Variants in GPM6A observed in about 807,000 individuals in gnomAD.
GPM6A encodes the protein glycoprotein M6A.
In GPM6A, 7 loss-of-function variants were observed where a neutral mutation model predicts 32.1. That is an observed-to-expected ratio of 0.22 (90% confidence interval 0.12 to 0.41). The LOEUF is 0.41. Among genes scored for constraint, GPM6A ranks in the 10% least tolerant of loss-of-function variants. The probability of loss-of-function intolerance (pLI) is 1.00; values close to 1 mark genes in which losing one functional copy is unlikely to be tolerated. For missense variants in GPM6A, 235 were observed against 347.2 expected, an observed-to-expected ratio of 0.68 and a Z score of 2.57; for synonymous variants, 130 against 123.4, an observed-to-expected ratio of 1.05 and a Z score of -0.35.
At chr4:175,807,223 A>C (rs992632629) in intron 1 of GPM6A, 1 of 152,214 alleles carries the variant, frequency 6.6e-6, no homozygotes, top group Non-Finnish European at 1.5e-5. Context: ...ATTTATTTAA[A>C]TTGTAAAAAA....
In GPM6A at chr4:175,673,556, C is replaced by T. The variant is rs1011072389; in HGVS notation, c.387+124G>A. On this transcript the variant is annotated intron_variant, in intron 3 of 6. Transcript: ENST00000393658. Reference sequence around the variant, plus strand: ...ATAATGTTATCAAGATTTAAGATAGCATCACAGAAGGAAACGTTACTGTGT... The same window carrying T: ...ATAATGTTATCAAGATTTAAGATAGTATCACAGAAGGAAACGTTACTGTGT... The T allele has an allele frequency of 5.2e-6, 3 of 575,738 alleles. No homozygotes were observed. The African/African-American group carries it at 5.6e-5, about 11-fold the overall frequency. 35.7% of individuals were successfully genotyped at this position (575,738 alleles called of 1,614,324 possible).
intron 1 of GPM6A, among the ~76,000 whole-genome samples, chr4:175,890,681 G>A (rs1473288921): frequency 1.3e-5 from 2 of 151,862 alleles, no homozygotes; most frequent in East Asian, 1.9e-4. Context: ...ATCCTCCCAA[G>A]TAGCTAGGAC....
chr4:175,658,566 T>C (rs1324509242), intron 3 of GPM6A, among the ~76,000 whole-genome samples: 2 of 152,152 alleles, frequency 1.3e-5, no homozygotes, highest in Non-Finnish European at 2.9e-5. Context: ...CTCATCTAAA[T>C]TGTAGACTTT....
At chr4:175,636,515 G>A (rs1316098427) in intron 6 of GPM6A, among the ~76,000 whole-genome samples, 2 of 150,700 alleles carry the variant, frequency 1.3e-5, no homozygotes, top group Non-Finnish European at 3.0e-5. Context: ...TATAATTGAG[G>A]CCAGGTGCGG....
intron 1 of GPM6A, among the ~76,000 whole-genome samples, chr4:175,719,437 T>C (rs955069865): frequency 6.6e-6 from 1 of 152,144 alleles, no homozygotes; most frequent in Non-Finnish European, 1.5e-5. Context: ...TGACCTCATA[T>C]AACACAAAAT....
Position 175,714,220 on chromosome 4 carries a change from A to G in GPM6A, c.38-12453T>C, listed in dbSNP as rs1560891781. Among the ~76,000 whole-genome samples, 6 of 152,308 alleles carry G rather than the reference A, an allele frequency of 3.9e-5. No individual in the cohort carries two copies. In the South Asian group the frequency reaches 1.0e-3, roughly 26 times the overall value. On this transcript the variant is annotated intron_variant, in intron 1 of 6. Transcript: ENST00000393658. ...TAGATGCCCTGAATCCTTTAAAAGT[A>G]TTTGATAAACCAGGATATGCATGTT...
chr4:175,842,677 G>A (rs1433854544), intron 1 of GPM6A, among the ~76,000 whole-genome samples: 1 of 152,152 alleles, frequency 6.6e-6, no homozygotes, highest in African/African-American at 2.4e-5. Context: ...TCCAGCGTGA[G>A]TGATTGAGTG....
chr4:175,834,128 G>T (rs1735694278), intron 1 of GPM6A, among the ~76,000 whole-genome samples: 1 of 146,344 alleles, frequency 6.8e-6, no homozygotes, highest in Admixed American at 7.1e-5. Context: ...AACCGAGAGA[G>T]ATGTGTTACG....
chr4:175,757,245 G>A (rs985986758), intron 1 of GPM6A, among the ~76,000 whole-genome samples: 1 of 152,048 alleles, frequency 6.6e-6, no homozygotes, highest in Non-Finnish European at 1.5e-5. Flanking sequence ...CACACATGGA[G>A]AGAAACTGAG....
rs925834411 is a variant in GPM6A at position 175,889,440 on chromosome 4, A to T, written c.-22-77191T>A. On this transcript the variant is annotated intron_variant, in intron 1 of 7. Transcript: ENST00000280187. The stretch of plus-strand genomic sequence containing the variant: ...CTCTGGAGGCTACGGCAGGAGGATG[A>T]CTTGAGTTCAGTAGGTCACAACTGC... Among the ~76,000 whole-genome samples, 5 of 151,776 alleles carry T rather than the reference A, an allele frequency of 3.3e-5. No individual in the cohort carries two copies. The East Asian group carries it at 7.7e-4, about 23-fold the overall frequency.
intron 1 of GPM6A, among the ~76,000 whole-genome samples, chr4:175,771,344 C>T (rs1159171597): frequency 1.3e-5 from 2 of 151,920 alleles, no homozygotes; most frequent in Non-Finnish European, 2.9e-5. Flanking sequence ...GAGGCCGAGA[C>T]AGGGGGATCA....
chr4:175,962,545 C>T, intron 1 of GPM6A: 1 of 459,986 alleles, frequency 2.2e-6, no homozygotes, highest in South Asian at 1.8e-5. Flanking sequence ...CATCCCTGTA[C>T]TCTCTGCTCT....
At chr4:175,694,496 C>A (rs896325408) in intron 2 of GPM6A, among the ~76,000 whole-genome samples, 2 of 152,084 alleles carry the variant, frequency 1.3e-5, no homozygotes, top group Non-Finnish European at 2.9e-5. Context: ...AGAGGTTGGC[C>A]ACATTATGTC....
chr4:175,851,785 G>T (rs1736267399), intron 1 of GPM6A, among the ~76,000 whole-genome samples: 2 of 152,076 alleles, frequency 1.3e-5, no homozygotes, highest in Admixed American at 1.3e-4. Context: ...TGTTTTGTTT[G>T]GTTTGCAGTT....
intron 1 of GPM6A, among the ~76,000 whole-genome samples, chr4:175,976,157 CTT>C (rs1355808343): frequency 5.9e-5 from 8 of 135,704 alleles, no homozygotes; most frequent in African/African-American, 1.1e-4. Context: ...AATATGTCGT[CTT>C]TTTTTTTTTT....
At chr4:175,744,248 T>G (rs1407394176) in intron 1 of GPM6A, among the ~76,000 whole-genome samples, 2 of 152,058 alleles carry the variant, frequency 1.3e-5, no homozygotes, top group African/African-American at 4.8e-5. Flanking sequence ...GCAATGTATT[T>G]CCAAATCACT....
chr4:175,775,537 A>C (rs17606799), intron 1 of GPM6A, among the ~76,000 whole-genome samples: 1 of 152,012 alleles, frequency 6.6e-6, no homozygotes, highest in Admixed American at 6.6e-5. Flanking sequence ...ATCCTTACCT[A>C]TCCACTATTA....
intron 1 of GPM6A, among the ~76,000 whole-genome samples, chr4:175,774,785 T>C (rs954496699): frequency 6.6e-6 from 1 of 152,094 alleles, no homozygotes; most frequent in African/African-American, 2.4e-5. Flanking sequence ...ATGAAGGACA[T>C]TTTTCCTGGG....
chr4:175,803,514 A>G (rs1734560512), intron 1 of GPM6A, among the ~76,000 whole-genome samples: 1 of 152,130 alleles, frequency 6.6e-6, no homozygotes, highest in Non-Finnish European at 1.5e-5. Context: ...AGGAATCTGC[A>G]TTTACTCAAC....
Sources: allele counts gnomAD v4.1 joint callset (sites outside exome capture counted in the v4.1 genomes callset), GRCh38; gene constraint gnomAD v4.1.1; transcripts MANE v1.5; gene names NCBI Gene and HGNC (gene_info 2026-07-23, HGNC 2026-07-21).